Variants in ARHGEF9 observed in about 807,000 individuals in gnomAD.
ARHGEF9 encodes Cdc42 guanine nucleotide exchange factor 9.
In ARHGEF9, 2 loss-of-function variants were observed where a neutral mutation model predicts 41.3. That is an observed-to-expected ratio of 0.05 (90% CI 0.02 to 0.15). The LOEUF (loss-of-function observed/expected upper bound fraction) is 0.15. ARHGEF9 is among the 10% of genes least tolerant of loss of function. ARHGEF9 has a pLI of 1.00. For missense variants in ARHGEF9, 225 were observed against 424.7 expected, an observed-to-expected ratio of 0.53 and a Z score of 4.13; for synonymous variants, 160 against 154.4, an observed-to-expected ratio of 1.04 and a Z score of -0.27.
intron 1 of ARHGEF9, chrX:63,755,043 C>T: frequency 3.2e-6 from 3 of 938,874 alleles, no homozygotes; most frequent in Non-Finnish European, 4.0e-6. Flanking sequence ...TAAGCTTGCT[C>T]GCTCTCTTCG....
At chrX:63,668,988 G>A in intron 6 of ARHGEF9, among the ~76,000 whole-genome samples, 1 of 112,040 alleles carries the variant, frequency 8.9e-6, no homozygotes, top group South Asian at 3.7e-4. Flanking sequence ...CAAAAGACCT[G>A]GGCTCTGAGT....
intron 4 of ARHGEF9, among the ~76,000 whole-genome samples, chrX:63,693,053 T>G (rs782346280): frequency 6.3e-5 from 7 of 111,122 alleles, no homozygotes; most frequent in African/African-American, 9.8e-5. Flanking sequence ...TTACCAGAAG[T>G]TAGGAAGGTT....
intron 6 of ARHGEF9, 104 bp downstream of exon 6, chrX:63,673,934 G>A (rs1414842197): frequency 4.9e-5 from 50 of 1,024,713 alleles, no homozygotes; most frequent in South Asian, 1.2e-4. Context: ...AATCCTTACT[G>A]TTGCTCTTCA....
chrX:63,735,864 G>GCTTTT (rs1556422602), intron 1 of ARHGEF9, among the ~76,000 whole-genome samples: 1 of 111,858 alleles, frequency 8.9e-6, no homozygotes. Flanking sequence ...CCATCAAAAA[G>GCTTTT]TGGAAGATAG....
intron 6 of ARHGEF9, among the ~76,000 whole-genome samples, chrX:63,670,012 C>T (rs1368837762): frequency 2.7e-5 from 3 of 111,507 alleles, no homozygotes; most frequent in African/African-American, 6.5e-5. Context: ...CAAAAACTAC[C>T]CAAAGCTTTC....
chrX:63,642,907 G>A (rs1425928604), intron 9 of ARHGEF9: 2 of 111,956 alleles, frequency 1.8e-5, no homozygotes, highest in African/African-American at 3.2e-5. Context: ...GCTTCATCAG[G>A]ACCCTGAGAT....
chrX:63,736,810 C>T (rs1164870255), intron 1 of ARHGEF9, among the ~76,000 whole-genome samples: 3 of 111,229 alleles, frequency 2.7e-5, no homozygotes, highest in Non-Finnish European at 5.7e-5. Context: ...TGTTGTAAAC[C>T]TCAAATATAC....
At chrX:63,778,725 C>T (rs2056334220) in intron 1 of ARHGEF9, among the ~76,000 whole-genome samples, 1 of 112,200 alleles carries the variant, frequency 8.9e-6, no homozygotes, top group Non-Finnish European at 1.9e-5. Flanking sequence ...ACCAGATATC[C>T]TAAATCATCT....
chrX:63,656,744 C>T (rs1353777192), intron 7 of ARHGEF9: 1 of 110,911 alleles, frequency 9.0e-6, no homozygotes, highest in Non-Finnish European at 1.9e-5. Context: ...ATATATGCCA[C>T]GTTCCAGACA....
chrX:63,643,099 A>C (rs1465618377), intron 9 of ARHGEF9, among the ~76,000 whole-genome samples: 1 of 112,395 alleles, frequency 8.9e-6, no homozygotes, highest in African/African-American at 3.2e-5. Flanking sequence ...TCCAATAAGC[A>C]GAAGGTAGTT....
intron 8 of ARHGEF9, among the ~76,000 whole-genome samples, chrX:63,649,043 G>A (rs1181981992): frequency 9.0e-6 from 1 of 111,057 alleles, no homozygotes; most frequent in Non-Finnish European, 1.9e-5. Flanking sequence ...ACAGATCAAC[G>A]AGACAAAAAG....
At position 63,638,015 on chromosome X, in the gene ARHGEF9, C is replaced by T. The variant is rs1476914676; in HGVS notation, c.*13G>A. ...TTTACTTTATTTTAAAATTATCTGCCTCCCTGTAGGTATCATTTTTTGAAG... is the reference window on the plus strand; with the variant it reads ...TTTACTTTATTTTAAAATTATCTGCTTCCCTGTAGGTATCATTTTTTGAAG... On this transcript the variant is annotated 3_prime_UTR_variant, in exon 10 of 10. Coordinates refer to ENST00000671741, the MANE Select transcript of ARHGEF9 (RefSeq NM_001353921.2). The T allele has an allele frequency of 7.6e-6, 9 of 1,191,166 alleles. No individual in the cohort carries two copies. Among genetic ancestry groups the T allele is most frequent in the Non-Finnish European group, 1.0e-5 (9 of 887,044 alleles).
chrX:63,637,950 T>C lies in ARHGEF9; in HGVS notation c.*78A>G. The C allele has an allele frequency of 1.1e-6, 1 of 924,049 alleles. No homozygotes were observed. The highest frequency in any genetic ancestry group is 3.7e-5 in the East Asian group (1 of 26,889). 76.2% of individuals were successfully genotyped at this position (924,049 alleles called of 1,213,427 possible). On this transcript the variant is annotated 3_prime_UTR_variant, in exon 10 of 10. Coordinates refer to ENST00000671741, the MANE Select transcript of ARHGEF9 (RefSeq NM_001353921.2). ...TGTGTGTGTGTATAAATTTCAACAG[T>C]GCTTCTCCGAAAAAAGGTCCATCTA...
At chrX:63,711,687 T>C (rs782805366) in intron 2 of ARHGEF9, among the ~76,000 whole-genome samples, 79 of 111,887 alleles carry the variant, frequency 7.1e-4, no homozygotes, top group African/African-American at 2.5e-3. Context: ...TGGAATCAGA[T>C]TATAAAAGTC....
intron 6 of ARHGEF9, among the ~76,000 whole-genome samples, chrX:63,666,252 C>A (rs2049537136): frequency 9.3e-6 from 1 of 107,313 alleles, no homozygotes; most frequent in South Asian, 4.4e-4. Flanking sequence ...CCACCCGGGA[C>A]TGCTACAGCT....
At chrX:63,647,813 C>T (rs2048220504) in intron 8 of ARHGEF9, among the ~76,000 whole-genome samples, 1 of 111,316 alleles carries the variant, frequency 9.0e-6, no homozygotes, top group Admixed American at 9.6e-5. Context: ...ATGGTACCAG[C>T]TCCTCCTTGT....
chrX:63,669,659 CT>C (rs1223997130), intron 6 of ARHGEF9, among the ~76,000 whole-genome samples: 1 of 111,401 alleles, frequency 9.0e-6, no homozygotes, highest in Non-Finnish European at 1.9e-5. Flanking sequence ...TTGTTTTCCC[CT>C]CTGTCTGGAA....
chrX:63,682,264 T>C (rs868923218), intron 4 of ARHGEF9, among the ~76,000 whole-genome samples: 7 of 111,391 alleles, frequency 6.3e-5, no homozygotes, highest in South Asian at 7.4e-4. Context: ...CCTATAATCC[T>C]AGCACTTTGG....
At chrX:63,764,756 G>T (rs1310272154) in intron 1 of ARHGEF9, among the ~76,000 whole-genome samples, 1 of 111,296 alleles carries the variant, frequency 9.0e-6, no homozygotes, top group Non-Finnish European at 1.9e-5. Flanking sequence ...CCTTATAAGT[G>T]GGAGCTGAAT....
Sources: allele counts gnomAD v4.1 joint callset (sites outside exome capture counted in the v4.1 genomes callset), GRCh38; gene constraint gnomAD v4.1.1; transcripts MANE v1.5; gene names NCBI Gene and HGNC (gene_info 2026-07-23, HGNC 2026-07-21).